The following CCKBR variants were observed in gnomAD, a reference collection of about 807,000 sequenced individuals.
CCKBR encodes the protein cholecystokinin B receptor, also known as gastrin/cholecystokinin type B receptor.
Under a neutral mutation model 34.6 loss-of-function variants are expected in CCKBR, and 33 were observed. The observed-to-expected ratio is 0.95, with a 90% CI of 0.72 to 1.27. CCKBR has a LOEUF of 1.27. Among genes scored for constraint, CCKBR ranks in the 50% most tolerant of loss-of-function variants. The pLI, the probability that CCKBR is intolerant of heterozygous loss-of-function variation, is 0.00. For synonymous variants in CCKBR, 269 were observed against 267.5 expected (o/e 1.01, Z -0.06); for missense variants, 652 against 617.4 (o/e 1.06, Z -0.59).
intron 1 of CCKBR, among the ~76,000 whole-genome samples, chr11:6,266,431 G>A (rs1327232631): frequency 6.6e-6 from 1 of 152,148 alleles, no homozygotes; most frequent in African/African-American, 2.4e-5. Context: ...AAAGGTTGCG[G>A]TGAGCCAAGA....
At chr11:6,261,510 G>C (rs186295428) in intron 1 of CCKBR, among the ~76,000 whole-genome samples, 1 of 136,400 alleles carries the variant, frequency 7.3e-6, no homozygotes, top group Admixed American at 7.9e-5. Context: ...TATACATATG[G>C]GAGAGCCAGC....
intron 1 of CCKBR, among the ~76,000 whole-genome samples, chr11:6,269,391 T>A (rs1028915422): frequency 6.6e-6 from 1 of 152,168 alleles, no homozygotes; most frequent in South Asian, 2.1e-4. Context: ...GACACAAATA[T>A]CCTCTTAAGA....
chr11:6,259,843 G>C lies in CCKBR; in HGVS notation c.-86G>C. On this transcript the variant is annotated 5_prime_UTR_variant, in exon 1 of 5. Transcript: ENST00000334619. ...AGGGAGAGGAGGGCGGCGGGAGCCT[G>C]AGCCGGAATCGCAGCGTGAGCAGGT... is the stretch of plus-strand genomic sequence containing the variant. 8.4e-7 allele frequency: 1 copy of C among 1,188,304 alleles called. No homozygotes were observed. Among genetic ancestry groups the C allele is most frequent in the Non-Finnish European group, 1.1e-6 (1 of 900,718 alleles). The allele number at this position is 1,188,304 out of a possible 1,614,324, so 73.6% of individuals were successfully genotyped here.
intron 1 of CCKBR, among the ~76,000 whole-genome samples, chr11:6,261,454 A>AAAAAAAAT (rs1447691939): frequency 1.6e-5 from 1 of 60,894 alleles, no homozygotes; most frequent in Non-Finnish European, 3.0e-5. Context: ...AAAAAAAAAA[A>AAAAAAAAT]ATATATATAC....
At chr11:6,262,456 C>T (rs1355570174) in intron 1 of CCKBR, among the ~76,000 whole-genome samples, 1 of 152,068 alleles carries the variant, frequency 6.6e-6, no homozygotes, top group Non-Finnish European at 1.5e-5. Context: ...AAGAGAGTTT[C>T]AAGCAGGTTG....
In CCKBR at chr11:6,271,241, C is replaced by A; in HGVS notation, c.1042C>A (p.Pro348Thr). 6.2e-7 allele frequency: 1 copy of A among 1,614,172 alleles called. No individual in the cohort carries two copies. The highest frequency in any genetic ancestry group is 8.5e-7 in the Non-Finnish European group (1 of 1,180,036). ...TGTGCTTTTTTTTCTGTGTTGGTTG[C>A]CAGTTTATAGTGCCAACACGTGGCG... Reference protein sequence around the residue: ...IVVLFFLCWLPVYSANTWRAF... With the variant: ...IVVLFFLCWLTVYSANTWRAF... Residue 348 changes from proline (P) to threonine (T), a missense_variant, in exon 5 of 5, where the codon CCA becomes ACA. Pro to Thr is a conservative substitution (Grantham distance 38). Coordinates refer to ENST00000334619, the MANE Select transcript of CCKBR (RefSeq NM_176875.4).
chr11:6,266,321 C>G (rs546986012), intron 1 of CCKBR, among the ~76,000 whole-genome samples: 2 of 152,150 alleles, frequency 1.3e-5, no homozygotes, highest in East Asian at 3.9e-4. Flanking sequence ...AGAAACCCAT[C>G]TCTACTAAAA....
chr11:6,266,326 C>T (rs904826882), intron 1 of CCKBR, among the ~76,000 whole-genome samples: 4 of 151,992 alleles, frequency 2.6e-5, no homozygotes, highest in Non-Finnish European at 4.4e-5. Flanking sequence ...CCCATCTCTA[C>T]TAAAAATACA....
At position 6,269,816 on chromosome 11, in the gene CCKBR, A is replaced by G; in HGVS notation, c.299A>G (p.Asp100Gly). ...NAFLLSLAVS[D>G]LLLAVACMPF... ...TTCCTCCTCTCACTGGCAGTCAGCG[A>G]CCTCCTGCTGGCTGTGGCTTGCATG... Residue 100 changes from aspartate (D) to glycine (G), a missense_variant, in exon 2 of 5, where the codon GAC (aspartate) becomes GGC (glycine). Transcript: ENST00000334619. The G allele has an allele frequency of 5.6e-6, 9 of 1,613,710 alleles. No homozygotes were observed. Among genetic ancestry groups the G allele is most frequent in the Non-Finnish European group, 7.6e-6 (9 of 1,179,936 alleles).
intron 1 of CCKBR, among the ~76,000 whole-genome samples, chr11:6,268,379 T>C (rs548288684): frequency 6.6e-6 from 1 of 152,294 alleles, no homozygotes; most frequent in South Asian, 2.1e-4. Flanking sequence ...GCTGAGGCCA[T>C]AGGTGTGAGT....
intron 1 of CCKBR, among the ~76,000 whole-genome samples, chr11:6,267,207 CTT>C (rs1436640025): frequency 6.6e-6 from 1 of 152,278 alleles, no homozygotes; most frequent in South Asian, 2.1e-4. Flanking sequence ...ATAAATTAAA[CTT>C]AGCATACTGT....
chr11:6,267,373 T>C (rs1848224959), intron 1 of CCKBR, among the ~76,000 whole-genome samples: 1 of 152,104 alleles, frequency 6.6e-6, no homozygotes, highest in Non-Finnish European at 1.5e-5. Flanking sequence ...AAAAAACCTT[T>C]CTGTTAAAAC....
intron 3 of CCKBR, 85 bp downstream of exon 3, chr11:6,270,422 C>T: frequency 2.0e-6 from 3 of 1,520,860 alleles, no homozygotes; most frequent in Non-Finnish European, 2.7e-6. Context: ...CTTCCTCCAG[C>T]TTCCCGGAGA....
Position 6,269,924 on chromosome 11 carries a change from G to A in CCKBR, c.403+4G>A, listed in dbSNP as rs199500410. On this transcript the variant is annotated splice_donor_region_variant and intron_variant, in intron 2 of 4. Transcript: ENST00000334619. ...AAGGCGGTTTCCTACCTCATGGGTG[G>A]GTGAGACAACCACCCCACCCCCACT... 37 of 1,613,264 alleles carry A rather than the reference G, an allele frequency of 2.3e-5. No individual in the cohort carries two copies. Among genetic ancestry groups the A allele is most frequent in the Non-Finnish European group, 3.0e-5 (35 of 1,179,482 alleles).
chr11:6,260,970 G>A (rs960004568), intron 1 of CCKBR, among the ~76,000 whole-genome samples: 24 of 152,308 alleles, frequency 1.6e-4, no homozygotes, highest in African/African-American at 5.8e-4. Context: ...AAGTTGAGTA[G>A]GCAGAAAAGG....
chr11:6,271,600 A>T lies in CCKBR; in HGVS notation c.*57A>T. 6.8e-7 allele frequency: 1 copy of T among 1,470,424 alleles called. No individual in the cohort carries two copies. Among genetic ancestry groups the T allele is most frequent in the Non-Finnish European group, 9.1e-7 (1 of 1,104,102 alleles). 91.1% of individuals were successfully genotyped at this position (1,470,424 alleles called of 1,614,324 possible). On this transcript the variant is annotated 3_prime_UTR_variant, in exon 5 of 5. Transcript: ENST00000334619. ...GCAAATGACATGCACTGACCCTTCC[A>T]GACATACGAAACACAAACCACAACT...
At chr11:6,270,922 G>T (rs1390189658) in intron 4 of CCKBR, 89 bp from the exon 5 acceptor site, 1 of 1,612,058 alleles carries the variant, frequency 6.2e-7, no homozygotes, top group East Asian at 2.2e-5. Context: ...TGGAAATGGA[G>T]TTGAGCTGGG....
chr11:6,270,631 C>A lies in CCKBR; in HGVS notation c.654-15C>A, dbSNP rs1848285101. 1 of 1,588,328 alleles carries A rather than the reference C, an allele frequency of 6.3e-7. No homozygotes were observed. The highest frequency in any genetic ancestry group is 2.3e-5 in the East Asian group (1 of 44,422). ...CTGGACAGAAACCCGAGTGATCTGT[C>A]TGTGTTGCCTTCAGGTCCGTACTGC... On this transcript the variant is annotated splice_polypyrimidine_tract_variant and intron_variant, in intron 3 of 4. Coordinates refer to ENST00000334619, the MANE Select transcript of CCKBR (RefSeq NM_176875.4).
Position 6,271,405 on chromosome 11 carries a change from G to A in CCKBR, c.1206G>A (p.Leu402=), listed in dbSNP as rs749830885. ...FMHRRFRQAC[L]ETCARCCPRP... is the part of the protein sequence containing the mutation. Reference sequence around the variant, plus strand: ...ACCGTCGCTTTCGCCAGGCCTGCCTGGAAACTTGCGCTCGCTGCTGCCCCC... The same window carrying A: ...ACCGTCGCTTTCGCCAGGCCTGCCTAGAAACTTGCGCTCGCTGCTGCCCCC... Residue 402 remains leucine (L), a synonymous_variant, in exon 5 of 5, where the codon CTG becomes CTA. Transcript: ENST00000334619. 4 of 1,613,984 alleles carry A rather than the reference G, an allele frequency of 2.5e-6. No homozygotes were observed. The highest frequency in any genetic ancestry group is 8.5e-7 in the Non-Finnish European group (1 of 1,180,032).
Sources: gnomAD v4.1 joint callset for allele counts (sites outside exome capture counted in the v4.1 genomes callset) on GRCh38, gnomAD v4.1.1 for gene constraint, MANE v1.5 for transcripts, NCBI Gene and HGNC (gene_info 2026-07-23, HGNC 2026-07-21) for gene names.